SERGEF: variants seen among roughly 807,000 people sequenced by gnomAD.
SERGEF encodes secretion-regulating guanine nucleotide exchange factor.
In SERGEF, 51 loss-of-function variants were observed where a neutral mutation model predicts 50.0. That is an observed-to-expected ratio of 1.02 (90% CI 0.81 to 1.29). SERGEF has a LOEUF of 1.29. Ranked by LOEUF, SERGEF falls within the 50% of genes most tolerant of loss-of-function variation. The pLI is 0.00. For synonymous variants in SERGEF, 205 were observed against 212.4 expected, an observed-to-expected ratio of 0.97 and a Z score of 0.30; for missense variants, 521 against 557.0, an observed-to-expected ratio of 0.94 and a Z score of 0.65.
In SERGEF at chr11:17,884,544, A is replaced by G. The variant is rs1851394659; in HGVS notation, c.1012-6300T>C. Among the ~76,000 whole-genome samples, 1 of 152,130 alleles carries G rather than the reference A, an allele frequency of 6.6e-6. No individual in the cohort carries two copies. Reference sequence around the variant, plus strand: ...GAAGCTGGGCACGTTTTACAGGCACACTGCAATCCAGTGAGCCACCAGAGT... The same window carrying G: ...GAAGCTGGGCACGTTTTACAGGCACGCTGCAATCCAGTGAGCCACCAGAGT... On this transcript the variant is annotated intron_variant, in intron 9 of 10. Transcript: ENST00000265965. The surrounding 1 kb of genome is among the most constrained non-coding windows in gnomAD (Gnocchi z 4.6).
intron 8 of SERGEF, among the ~76,000 whole-genome samples, chr11:17,979,684 T>C (rs1054975940): frequency 2.0e-5 from 3 of 152,204 alleles, no homozygotes; most frequent in Non-Finnish European, 2.9e-5. Context: ...CAACTGATCA[T>C]ACCCTTGGCT....
In SERGEF at chr11:17,933,044, G is replaced by A. The variant is rs574000084; in HGVS notation, c.1011+26426C>T. ...TGGAATGAAACTCAATGTCAAGTTAGGTCTAATGTTATCATCCAAATGCAA... is the reference window on the plus strand; with the variant it reads ...TGGAATGAAACTCAATGTCAAGTTAAGTCTAATGTTATCATCCAAATGCAA... On this transcript the variant is annotated intron_variant, in intron 9 of 10. Coordinates refer to ENST00000265965, the MANE Select transcript of SERGEF (RefSeq NM_012139.4). 2.6e-4 allele frequency among the ~76,000 whole-genome samples: 39 copies of A among 152,174 alleles called. 1 individual carries two copies. The highest frequency in any genetic ancestry group is 1.8e-3 in the Admixed American group (28 of 15,280).
rs553255506 is a variant in SERGEF at position 17,878,933 on chromosome 11, C to T, written c.1012-689G>A. ...TTGCTTCTAGGCAGACTCAGGTGCA[C>T]CTGTCCTTATGCCCTTAAATGTACC... On this transcript the variant is annotated intron_variant, in intron 9 of 10. Coordinates refer to ENST00000265965, the MANE Select transcript of SERGEF (RefSeq NM_012139.4). 4.6e-5 allele frequency among the ~76,000 whole-genome samples: 7 copies of T among 152,304 alleles called. No homozygotes were observed. The South Asian group carries it at 1.5e-3, about 32-fold the overall frequency.
intron 10 of SERGEF, among the ~76,000 whole-genome samples, chr11:17,831,177 A>G (rs1000372972): frequency 1.3e-5 from 2 of 152,318 alleles, no homozygotes; most frequent in South Asian, 2.1e-4. Context: ...CCTGTCACCT[A>G]CCTCCAGAGA....
At chr11:17,830,645 G>A (rs11024412) in intron 10 of SERGEF, among the ~76,000 whole-genome samples, 112 of 19,348 alleles carry the variant, frequency 5.8e-3, no homozygotes, top group Non-Finnish European at 8.4e-3. Context: ...GGAGGGAGAG[G>A]GAGGGAGAGA....
chr11:17,831,441 C>T (rs1327283619), intron 10 of SERGEF, among the ~76,000 whole-genome samples: 1 of 152,110 alleles, frequency 6.6e-6, no homozygotes, highest in Non-Finnish European at 1.5e-5. Flanking sequence ...TTTCATGGGG[C>T]CTGGTGGCAA....
chr11:17,823,917 A>G (rs956038584), intron 10 of SERGEF, among the ~76,000 whole-genome samples: 10 of 152,256 alleles, frequency 6.6e-5, no homozygotes, highest in African/African-American at 1.7e-4. Flanking sequence ...CTCACTTCCC[A>G]GCCCTCATGA....
At chr11:17,935,402 G>C (rs1852432091) in intron 9 of SERGEF, among the ~76,000 whole-genome samples, 1 of 152,150 alleles carries the variant, frequency 6.6e-6, no homozygotes, top group Non-Finnish European at 1.5e-5. Flanking sequence ...TCAGGAGTTT[G>C]AGGCTGCAGT....
At chr11:17,922,620 G>T (rs11024434) in intron 9 of SERGEF, among the ~76,000 whole-genome samples, 2 of 151,884 alleles carry the variant, frequency 1.3e-5, no homozygotes, top group Admixed American at 6.6e-5. Flanking sequence ...GTCTCCACTG[G>T]GGGTATTTTT....
chr11:17,847,890 G>A (rs1396775295), intron 10 of SERGEF, among the ~76,000 whole-genome samples: 5 of 152,150 alleles, frequency 3.3e-5, no homozygotes, highest in Non-Finnish European at 5.9e-5. Flanking sequence ...CTCTCCAGGT[G>A]ATTCTGATGA....
intron 8 of SERGEF, among the ~76,000 whole-genome samples, chr11:17,970,481 C>T (rs1260922250): frequency 6.6e-6 from 1 of 152,110 alleles, no homozygotes; most frequent in Non-Finnish European, 1.5e-5. Flanking sequence ...ATAACCCTAC[C>T]ATGGCCTCTA....
rs192796400 is a variant in SERGEF at position 17,985,089 on chromosome 11, C to T, written c.844+3508G>A. ...AAGTAAAAGACTTTAGAAAACTTTG[C>T]TGTCAGAGTTTGATATTGAGTATGG... On this transcript the variant is annotated intron_variant, in intron 8 of 10. Transcript: ENST00000265965. Among the ~76,000 whole-genome samples the T allele has an allele frequency of 3.2e-3, 484 of 152,290 alleles. 14 individuals are homozygous for T. The highest frequency in any genetic ancestry group is 0.027 in the Admixed American group (411 of 15,294).
At chr11:17,995,569 C>T (rs751777407) in intron 6 of SERGEF, among the ~76,000 whole-genome samples, 3 of 152,206 alleles carry the variant, frequency 2.0e-5, no homozygotes, top group South Asian at 4.1e-4. Flanking sequence ...TCTCCACCTA[C>T]CTGACTTGCA....
chr11:17,797,366 A>C (rs1249310360), intron 10 of SERGEF, among the ~76,000 whole-genome samples: 1 of 152,084 alleles, frequency 6.6e-6, no homozygotes, highest in South Asian at 2.1e-4. Flanking sequence ...TGTTCCTCAA[A>C]CAGTACTTGC....
Position 18,008,032 on chromosome 11 carries a change from A to G in SERGEF, c.105T>C (p.Asp35=), listed in dbSNP as rs1854120071. 10 of 1,614,146 alleles carry G rather than the reference A, an allele frequency of 6.2e-6. No individual in the cohort carries two copies. The South Asian group carries it at 9.9e-5, about 16-fold the overall frequency. The change falls in exon 2 of 11, where the codon GAT becomes GAC. Residue 35 remains aspartate (D), a synonymous_variant. Coordinates refer to ENST00000265965, the MANE Select transcript of SERGEF (RefSeq NM_012139.4). ...YGQLGLGHKE[D]VLLPQQLNDF... is the part of the protein sequence containing the mutation. ...CATTCAGTTGCTGGGGCAACAGCAC[A>G]TCTTCCTTATGGCCGAGGCCAAGTT...
At chr11:17,895,190 C>A (rs1851597521) in intron 9 of SERGEF, among the ~76,000 whole-genome samples, 1 of 152,150 alleles carries the variant, frequency 6.6e-6, no homozygotes, top group Admixed American at 6.5e-5. Context: ...TACCCCAGAG[C>A]CCCTCACCGT....
intron 8 of SERGEF, among the ~76,000 whole-genome samples, chr11:17,971,937 G>T (rs182534965): frequency 6.6e-6 from 1 of 152,292 alleles, no homozygotes; most frequent in South Asian, 2.1e-4. Flanking sequence ...ATTCCAACCC[G>T]CATGGATGAC....
At chr11:17,832,857 GGAA>G (rs1329758371) in intron 10 of SERGEF, among the ~76,000 whole-genome samples, 1 of 152,150 alleles carries the variant, frequency 6.6e-6, no homozygotes, top group Non-Finnish European at 1.5e-5. Flanking sequence ...GGTATCTGGC[GGAA>G]GAAATTTCTA....
chr11:17,845,727 G>C (rs1850595578), intron 10 of SERGEF, among the ~76,000 whole-genome samples: 1 of 152,182 alleles, frequency 6.6e-6, no homozygotes, highest in Non-Finnish European at 1.5e-5. Flanking sequence ...TAACCACAGA[G>C]TCTGAAATCT....
Sources: allele counts gnomAD v4.1 joint callset (sites outside exome capture counted in the v4.1 genomes callset), GRCh38; gene constraint gnomAD v4.1.1; non-coding constraint Gnocchi (gnomAD v3.1); transcripts MANE v1.5; gene names NCBI Gene and HGNC (gene_info 2026-07-23, HGNC 2026-07-21).